The following STAT1 variants were observed in gnomAD, a reference collection of about 807,000 sequenced individuals.
The protein encoded by STAT1 is signal transducer and activator of transcription 1, also known as signal transducer and activator of transcription 1-alpha/beta.
A neutral mutation model predicts 111.7 loss-of-function variants in STAT1; 24 were observed. The ratio of observed to expected loss-of-function variants is 0.21; its 90% CI spans 0.16 to 0.30. STAT1 has a LOEUF of 0.30. Ranked by LOEUF, STAT1 falls within the 10% of genes least tolerant of loss-of-function variation. STAT1 has a pLI of 1.00. For missense variants in STAT1, 351 were observed against 911.9 expected, an observed-to-expected ratio of 0.38 and a Z score of 7.92; for synonymous variants, 332 against 326.5, an observed-to-expected ratio of 1.02 and a Z score of -0.18.
Position 190,996,934 on chromosome 2 carries a change from T to A in STAT1, c.785+922A>T, listed in dbSNP as rs1184839709. On this transcript the variant is annotated intron_variant, in intron 9 of 24. Coordinates refer to ENST00000361099, the MANE Select transcript of STAT1 (RefSeq NM_007315.4). This position sits in a 1 kb window ranked among gnomAD's most constrained non-coding sequence, Gnocchi z 4.5. Reference sequence around the variant, plus strand: ...CCTCCAGGCTGTGGCCAGAGTGCCCTTTCTAAATCAAAGATCAGAGAAATA... The same window carrying A: ...CCTCCAGGCTGTGGCCAGAGTGCCCATTCTAAATCAAAGATCAGAGAAATA... Among the ~76,000 whole-genome samples the A allele has an allele frequency of 6.6e-6, 1 of 152,218 alleles. No individual in the cohort carries two copies. The highest frequency in any genetic ancestry group is 1.5e-5 in the Non-Finnish European group (1 of 68,036).
rs1365931959 is a variant in STAT1, at chr2:190,984,384, T to C, written c.1273A>G (p.Ile425Val). ...AGTRTNEGPL[I>V]VTEELHSLSF... ...AGGGAGTGAAGCTCTTCAGTAACGA[T>C]GAGAGGACCCTTGGAAGAGAAAAGG... is the stretch of plus-strand genomic sequence containing the variant. The change falls in exon 16 of 25, where the codon ATC becomes GTC. Residue 425 changes from isoleucine (I) to valine (V), a missense_variant. By Grantham distance (29) the Ile-to-Val change is conservative. Coordinates refer to ENST00000361099, the MANE Select transcript of STAT1 (RefSeq NM_007315.4). The surrounding 1 kb of genome is among the most constrained non-coding windows in gnomAD (Gnocchi z 5.2). 6.2e-7 allele frequency: 1 copy of C among 1,613,646 alleles called. No individual in the cohort carries two copies. Among genetic ancestry groups the C allele is most frequent in the Admixed American group, 1.7e-5 (1 of 60,012 alleles).
chr2:191,013,942 G>C (rs1695341259), intron 1 of STAT1, 76 bp downstream of exon 1: 1 of 317,024 alleles, frequency 3.2e-6, no homozygotes. Context: ...TCCTCGCCCG[G>C]CGTCCAACTG....
In STAT1 at chr2:190,997,706, G is replaced by T; in HGVS notation, c.785+150C>A. On this transcript the variant is annotated intron_variant, in intron 9 of 24. Transcript: ENST00000361099. This position sits in a 1 kb window ranked among gnomAD's most constrained non-coding sequence, Gnocchi z 7.3. ...GAATAACACTGTGCTTTCCAAGGGAGTGTTTCCAGGGTAAGCAGAAGCTGG... is the reference window on the plus strand; with the variant it reads ...GAATAACACTGTGCTTTCCAAGGGATTGTTTCCAGGGTAAGCAGAAGCTGG... The T allele has an allele frequency of 8.1e-7, 1 of 1,237,002 alleles. No homozygotes were observed. The highest frequency in any genetic ancestry group is 1.1e-6 in the Non-Finnish European group (1 of 872,878). 76.6% of individuals were successfully genotyped at this position (1,237,002 alleles called of 1,614,324 possible). A position where few individuals can be genotyped will look rare whatever the true frequency, so the allele number is the denominator to read the frequency against.
At position 190,977,043 on chromosome 2, in the gene STAT1, T is replaced by C; in HGVS notation, c.1874-18A>G. 1 of 1,613,392 alleles carries C rather than the reference T, an allele frequency of 6.2e-7. No homozygotes were observed. Among genetic ancestry groups the C allele is most frequent in the Middle Eastern group, 1.7e-4 (1 of 6,060 alleles). Reference sequence around the variant, plus strand: ...GTCAGGTTCTAAAAAGGAGAAAAGCTAAGTAAATCCCATAGAACATCCCAA... The same window carrying C: ...GTCAGGTTCTAAAAAGGAGAAAAGCCAAGTAAATCCCATAGAACATCCCAA... On this transcript the variant is annotated intron_variant, in intron 21 of 24. Coordinates refer to ENST00000361099, the MANE Select transcript of STAT1 (RefSeq NM_007315.4). This position sits in a 1 kb window ranked among gnomAD's most constrained non-coding sequence, Gnocchi z 4.7.
In STAT1 at chr2:190,993,734, C is replaced by T. The variant is rs950645735; in HGVS notation, c.944+1327G>A. ...GGAACGCAATCAGCAGCCGCTGCCA[C>T]TCAGCTATTGCTTCCACCCAAAATC... On this transcript the variant is annotated intron_variant, in intron 10 of 24. Coordinates refer to ENST00000361099, the MANE Select transcript of STAT1 (RefSeq NM_007315.4). This position sits in a 1 kb window ranked among gnomAD's most constrained non-coding sequence, Gnocchi z 4.1. Among the ~76,000 whole-genome samples the T allele has an allele frequency of 1.3e-5, 2 of 151,960 alleles. No individual in the cohort carries two copies. The highest frequency in any genetic ancestry group is 2.4e-5 in the African/African-American group (1 of 41,356).
chr2:191,007,190 C>CT lies in STAT1; in HGVS notation c.372+372dup, dbSNP rs757142648. ...CTTCCACTGCCTCTACCTTGGACAG[C>CT]TGCAAGAACCCTCTATCTGCCTGCT... is the stretch of plus-strand genomic sequence containing the variant. On this transcript the variant is annotated intron_variant, in intron 5 of 24. Transcript: ENST00000361099. This position sits in a 1 kb window ranked among gnomAD's most constrained non-coding sequence, Gnocchi z 4.2. 4.2e-4 allele frequency among the ~76,000 whole-genome samples: 64 copies of CT among 152,326 alleles called. No homozygotes were observed. The highest frequency in any genetic ancestry group is 1.2e-3 in the Admixed American group (18 of 15,296).
Position 190,974,322 on chromosome 2 carries a change from C to T in STAT1, c.2238+508G>A, listed in dbSNP as rs1182528069. Among the ~76,000 whole-genome samples, 1 of 152,200 alleles carries T rather than the reference C, an allele frequency of 6.6e-6. No individual in the cohort carries two copies. The highest frequency in any genetic ancestry group is 1.5e-5 in the Non-Finnish European group (1 of 68,034). On this transcript the variant is annotated intron_variant, in intron 24 of 24. Transcript: ENST00000361099. This position sits in a 1 kb window ranked among gnomAD's most constrained non-coding sequence, Gnocchi z 4.8. ...AACCTTTTACTCTTGGCAAGCCCTTCACAGCCCCAGGAGCTACTTGTACAA... is the reference window on the plus strand; with the variant it reads ...AACCTTTTACTCTTGGCAAGCCCTTTACAGCCCCAGGAGCTACTTGTACAA...
At position 190,984,478 on chromosome 2, in the gene STAT1, GC is replaced by G; in HGVS notation, c.1264-86del. The G allele has an allele frequency of 2.6e-6, 3 of 1,152,044 alleles. No homozygotes were observed. The South Asian group carries it at 3.9e-5, about 15-fold the overall frequency. The allele number at this position is 1,152,044 out of a possible 1,614,324, so 71.4% of individuals were successfully genotyped here. A position where few individuals can be genotyped will look rare whatever the true frequency, so the allele number is the denominator to read the frequency against. ...AAAAGCCCAATTAACATTGCAACAGGCCACAGAGATCCTGGGCCCAATCAGT... is the reference window on the plus strand; with the variant it reads ...AAAAGCCCAATTAACATTGCAACAGGCACAGAGATCCTGGGCCCAATCAGT... On this transcript the variant is annotated intron_variant, in intron 15 of 24. Coordinates refer to ENST00000361099, the MANE Select transcript of STAT1 (RefSeq NM_007315.4). This position sits in a 1 kb window ranked among gnomAD's most constrained non-coding sequence, Gnocchi z 5.2.
Position 190,993,261 on chromosome 2 carries a change from T to C in STAT1, c.944+1800A>G. Reference sequence around the variant, plus strand: ...TGATCTATTTTCTGCAGTCACTGTTTAATATTATTGAAGGACTCCTGATCT... The same window carrying C: ...TGATCTATTTTCTGCAGTCACTGTTCAATATTATTGAAGGACTCCTGATCT... On this transcript the variant is annotated intron_variant, in intron 10 of 24. Transcript: ENST00000361099. This position sits in a 1 kb window ranked among gnomAD's most constrained non-coding sequence, Gnocchi z 4.1. 1.6e-6 allele frequency: 1 copy of C among 608,912 alleles called. No individual in the cohort carries two copies. The highest frequency in any genetic ancestry group is 3.1e-6 in the Non-Finnish European group (1 of 324,438). The allele number at this position is 608,912 out of a possible 1,614,324, so 37.7% of individuals were successfully genotyped here.
intron 24 of STAT1, among the ~76,000 whole-genome samples, chr2:190,972,816 GGTGTGTGTGTGTGTGTGT>G (rs34975356): frequency 2.9e-5 from 4 of 136,418 alleles, no homozygotes; most frequent in South Asian, 2.5e-4. Flanking sequence ...GTGTATAGAG[GGTGTGTGTGTGTGTGTGT>G]GTGTGTGTGT....
At position 190,978,242 on chromosome 2, in the gene STAT1, G is replaced by A. The variant is rs902346143; in HGVS notation, c.1873+614C>T. Among the ~76,000 whole-genome samples, 12 of 152,190 alleles carry A rather than the reference G, an allele frequency of 7.9e-5. No individual in the cohort carries two copies. Among genetic ancestry groups the A allele is most frequent in the Admixed American group, 7.9e-4 (12 of 15,276 alleles). On this transcript the variant is annotated intron_variant, in intron 21 of 24. Transcript: ENST00000361099. This position sits in a 1 kb window ranked among gnomAD's most constrained non-coding sequence, Gnocchi z 6.1. ...TGAAAAGTAATCAGTTGGTCTTTAT[G>A]ATTTTTTCATTTACGCTGTTGAGCT...
In STAT1 at chr2:190,995,125, T is replaced by G. The variant is rs2125062136; in HGVS notation, c.880A>C (p.Ile294Leu). The change falls in exon 10 of 25, where the codon ATC becomes CTC. Residue 294 changes from isoleucine (I) to leucine (L), a missense_variant. Physicochemically the swap from Ile to Leu is conservative, Grantham distance 5. Coordinates refer to ENST00000361099, the MANE Select transcript of STAT1 (RefSeq NM_007315.4). This position sits in a 1 kb window ranked among gnomAD's most constrained non-coding sequence, Gnocchi z 4.2. ...EQKYTYEHDP[I>L]TKNKQVLWDR... ...CATAACACTTGTTTGTTTTTTGTGA[T>G]AGGGTCATGTTCGTAGGTGTATTTC... 2 of 1,613,896 alleles carry G rather than the reference T, an allele frequency of 1.2e-6. No homozygotes were observed. Among genetic ancestry groups the G allele is most frequent in the Non-Finnish European group, 8.5e-7 (1 of 1,179,970 alleles).
rs529879127 is a variant in STAT1, at chr2:190,997,659, G to C, written c.785+197C>G. ...GGAGTGCTCCAAACCAAGCAGACGTGGCTGAACGTGGCGAGAGTCATGAAT... is the reference window on the plus strand; with the variant it reads ...GGAGTGCTCCAAACCAAGCAGACGTCGCTGAACGTGGCGAGAGTCATGAAT... On this transcript the variant is annotated intron_variant, in intron 9 of 24. Transcript: ENST00000361099. The surrounding 1 kb of genome is among the most constrained non-coding windows in gnomAD (Gnocchi z 7.3). Among the ~76,000 whole-genome samples, 26 of 152,118 alleles carry C rather than the reference G, an allele frequency of 1.7e-4. No individual in the cohort carries two copies. Among genetic ancestry groups the C allele is most frequent in the Non-Finnish European group, 3.5e-4 (24 of 68,022 alleles).
intron 3 of STAT1, among the ~76,000 whole-genome samples, chr2:191,009,446 G>A (rs1559025733): frequency 6.6e-6 from 1 of 151,980 alleles, no homozygotes; most frequent in Non-Finnish European, 1.5e-5. Flanking sequence ...AAATTTTAAA[G>A]TAGAACACCT....
chr2:190,985,569 A>G (rs1261997038), intron 15 of STAT1, 50 bp downstream of exon 15: 2 of 1,606,672 alleles, frequency 1.2e-6, no homozygotes, highest in Admixed American at 1.7e-5. Context: ...TGTCCTTGCT[A>G]GACAGACCTG....
rs372446770 is a variant in STAT1 at position 190,977,628 on chromosome 2, G to A, written c.1874-603C>T. Among the ~76,000 whole-genome samples the A allele has an allele frequency of 3.9e-5, 6 of 152,044 alleles. No individual in the cohort carries two copies. The highest frequency in any genetic ancestry group is 3.8e-4 in the East Asian group (2 of 5,200). On this transcript the variant is annotated intron_variant, in intron 21 of 24. Transcript: ENST00000361099. This position sits in a 1 kb window ranked among gnomAD's most constrained non-coding sequence, Gnocchi z 4.7. ...GATACAGAATCTCCCTTTGGGTGTC[G>A]ACCTTCCAGAGGCCACGGTTCAGGT...
intron 2 of STAT1, among the ~76,000 whole-genome samples, chr2:191,011,731 C>G (rs1383149364): frequency 2.6e-5 from 4 of 152,154 alleles, no homozygotes; most frequent in African/African-American, 9.7e-5. Context: ...GTTTTATAAG[C>G]CACTGGCATT....
rs1313247269 is a variant in STAT1, at chr2:190,999,287, G to A, written c.541+339C>T. 6.6e-6 allele frequency among the ~76,000 whole-genome samples: 1 copy of A among 152,114 alleles called. No individual in the cohort carries two copies. The highest frequency in any genetic ancestry group is 1.5e-5 in the Non-Finnish European group (1 of 68,012). On this transcript the variant is annotated intron_variant, in intron 7 of 24. Transcript: ENST00000361099. The surrounding 1 kb of genome is among the most constrained non-coding windows in gnomAD (Gnocchi z 4.1). ...TATGGTGAGTAACACATAACCAGTGGTTATCAAGTAGGGGTCACTGACCCC... is the reference window on the plus strand; with the variant it reads ...TATGGTGAGTAACACATAACCAGTGATTATCAAGTAGGGGTCACTGACCCC...
chr2:190,999,836 T>G lies in STAT1; in HGVS notation c.463-132A>C, dbSNP rs1466472980. On this transcript the variant is annotated intron_variant, in intron 6 of 24. Transcript: ENST00000361099. The surrounding 1 kb of genome is among the most constrained non-coding windows in gnomAD (Gnocchi z 4.1). Reference sequence around the variant, plus strand: ...CATCTCCCCCAAAAAGAGATCTGACTTGGACAGTTCTAATCATATACATGA... The same window carrying G: ...CATCTCCCCCAAAAAGAGATCTGACGTGGACAGTTCTAATCATATACATGA... 6 of 701,632 alleles carry G rather than the reference T, an allele frequency of 8.6e-6. No individual in the cohort carries two copies. The Admixed American group carries it at 1.3e-4, about 15-fold the overall frequency. The allele number at this position is 701,632 out of a possible 1,614,324, so 43.5% of individuals were successfully genotyped here.
Sources: gnomAD v4.1 joint callset for allele counts (sites outside exome capture counted in the v4.1 genomes callset) on GRCh38, gnomAD v4.1.1 for gene constraint, Gnocchi (gnomAD v3.1) non-coding constraint, MANE v1.5 for transcripts, NCBI Gene and HGNC (gene_info 2026-07-23, HGNC 2026-07-21) for gene names.